Variants in CDC42EP4 observed in about 807,000 individuals in gnomAD.
CDC42EP4 encodes the protein CDC42 effector protein (Rho GTPase binding) 4.
CDC42EP4 carries 6 observed loss-of-function variants against 5.6 expected under a neutral mutation model. The ratio of observed to expected loss-of-function variants is 1.07; its 90% CI spans 0.59 to 2.12. The LOEUF is 2.12. Among genes scored for constraint, CDC42EP4 ranks in the 30% most tolerant of loss-of-function variants. The probability of loss-of-function intolerance (pLI) is 0.00; values close to 1 mark genes in which losing one functional copy is unlikely to be tolerated. For synonymous variants in CDC42EP4, 230 were observed against 224.2 expected (o/e 1.03, Z -0.23); for missense variants, 490 against 508.6 (o/e 0.96, Z 0.35).
Position 73,285,411 on chromosome 17 carries a change from T to G in CDC42EP4, c.*19A>C, listed in dbSNP as rs768962013. The G allele has an allele frequency of 1.3e-6, 2 of 1,529,098 alleles. No homozygotes were observed. The highest frequency in any genetic ancestry group is 2.7e-5 in the African/African-American group (2 of 72,842). 94.7% of individuals were successfully genotyped at this position (1,529,098 alleles called of 1,614,324 possible). On this transcript the variant is annotated 3_prime_UTR_variant, in exon 2 of 2. Coordinates refer to ENST00000335793, the MANE Select transcript of CDC42EP4 (RefSeq NM_012121.5). This position sits in a 1 kb window ranked among gnomAD's most constrained non-coding sequence, Gnocchi z 6.8. ...AGAAGATGCAGCCAAGAGCTCCCGG[T>G]GGCCACCCACTGTCCGCCTCACACA...
At chr17:73,292,284 G>C (rs1229175453) in intron 1 of CDC42EP4, among the ~76,000 whole-genome samples, 2 of 152,236 alleles carry the variant, frequency 1.3e-5, no homozygotes, top group Non-Finnish European at 2.9e-5. Flanking sequence ...GCCAGGTCCA[G>C]GCAATGTGGC....
intron 1 of CDC42EP4, among the ~76,000 whole-genome samples, chr17:73,292,676 G>A (rs536365127): frequency 2.0e-5 from 3 of 152,224 alleles, no homozygotes; most frequent in African/African-American, 7.2e-5. Context: ...TGATGAGAAG[G>A]AACCAGCCGG....
chr17:73,286,536 G>A lies in CDC42EP4; in HGVS notation c.-36C>T, dbSNP rs1240312067. The stretch of plus-strand genomic sequence containing the variant: ...GGGCGGGGAGGTGGGCCCTCCCGAG[G>A]TAGCCGGCAGGTCTGGGGTCAGATC... On this transcript the variant is annotated 5_prime_UTR_variant, in exon 2 of 2. Transcript: ENST00000335793. The surrounding 1 kb of genome is among the most constrained non-coding windows in gnomAD (Gnocchi z 7.7). The A allele has an allele frequency of 2.0e-6, 3 of 1,511,246 alleles. No homozygotes were observed. The highest frequency in any genetic ancestry group is 2.7e-6 in the Non-Finnish European group (3 of 1,119,302). The allele number at this position is 1,511,246 out of a possible 1,614,324, so 93.6% of individuals were successfully genotyped here. A position where few individuals can be genotyped will look rare whatever the true frequency, so the allele number is the denominator to read the frequency against.
Position 73,285,933 on chromosome 17 carries a change from G to C in CDC42EP4, c.568C>G (p.Leu190Val). 2.5e-6 allele frequency: 4 copies of C among 1,613,920 alleles called. No individual in the cohort carries two copies. Among genetic ancestry groups the C allele is most frequent in the South Asian group, 2.2e-5 (2 of 91,090 alleles). Residue 190 changes from leucine to valine, a missense_variant, in exon 2 of 2, where the codon CTG becomes GTG. Transcript: ENST00000335793. The surrounding 1 kb of genome is among the most constrained non-coding windows in gnomAD (Gnocchi z 6.8). The stretch of plus-strand genomic sequence containing the variant: ...TACGTGGCCTTGGGCACGACAGGCA[G>C]ATCTGTCAGATCCCCAAAGGCCTGC... ...DEQAFGDLTDLPVVPKATYGL... is the reference protein window; with the variant it reads ...DEQAFGDLTDVPVVPKATYGL...
At chr17:73,289,036 T>A (rs2062147886) in intron 1 of CDC42EP4, among the ~76,000 whole-genome samples, 1 of 152,194 alleles carries the variant, frequency 6.6e-6, no homozygotes, top group Admixed American at 6.5e-5. Flanking sequence ...ACTTGGATTA[T>A]CTCTGGGCCC....
At position 73,286,002 on chromosome 17, in the gene CDC42EP4, T is replaced by C; in HGVS notation, c.499A>G (p.Asn167Asp). ...GGGGAATGTGGACCCGCGGCCCCAT[T>C]CCGACGGGGCACTGCCTCCTCCGTG... is the stretch of plus-strand genomic sequence containing the variant. ...AGTEEAVPRR[N>D]GAAGPHSPDP... is the part of the protein sequence containing the mutation. Residue 167 changes from asparagine (N) to aspartate (D), a missense_variant, in exon 2 of 2, where the codon AAT becomes GAT. Asn to Asp is a conservative substitution (Grantham distance 23, BLOSUM62 1). Transcript: ENST00000335793. This position sits in a 1 kb window ranked among gnomAD's most constrained non-coding sequence, Gnocchi z 7.7. The C allele has an allele frequency of 6.2e-7, 1 of 1,613,450 alleles. No individual in the cohort carries two copies. The highest frequency in any genetic ancestry group is 8.5e-7 in the Non-Finnish European group (1 of 1,179,822).
rs929625768 is a variant in CDC42EP4 at position 73,298,757 on chromosome 17, C to G, written c.-112-12145G>C. ...GCTCCCTAATCCCCTCCTACCCCAT[C>G]CCTCCAGTACACCTCCTCATTCAAC... is the stretch of plus-strand genomic sequence containing the variant. On this transcript the variant is annotated intron_variant, in intron 1 of 1. Transcript: ENST00000335793. Among the ~76,000 whole-genome samples the G allele has an allele frequency of 2.0e-5, 3 of 152,188 alleles. No homozygotes were observed. In the East Asian group the frequency reaches 5.8e-4, roughly 29 times the overall value.
chr17:73,309,626 AC>A (rs1324764615), intron 1 of CDC42EP4: 1 of 152,760 alleles, frequency 6.5e-6, no homozygotes, highest in African/African-American at 2.4e-5. Flanking sequence ...AGAGGCAGAA[AC>A]CCCAGAAAAT....
At chr17:73,295,883 C>T (rs1235551532) in intron 1 of CDC42EP4, among the ~76,000 whole-genome samples, 3 of 140,152 alleles carry the variant, frequency 2.1e-5, no homozygotes, top group African/African-American at 5.4e-5. Flanking sequence ...CCAGCCCAGG[C>T]GACAAGAGTG....
intron 1 of CDC42EP4, among the ~76,000 whole-genome samples, chr17:73,292,719 G>A (rs1007574859): frequency 6.6e-6 from 1 of 152,212 alleles, no homozygotes; most frequent in Admixed American, 6.5e-5. Flanking sequence ...GGAACGGCGC[G>A]TGCAAACGCC....
intron 1 of CDC42EP4, among the ~76,000 whole-genome samples, chr17:73,294,427 C>G (rs904348803): frequency 6.6e-6 from 1 of 152,090 alleles, no homozygotes; most frequent in Admixed American, 6.6e-5. Context: ...GACTCCTGTA[C>G]CATTTATGTA....
intron 1 of CDC42EP4, among the ~76,000 whole-genome samples, chr17:73,305,295 C>A (rs927097070): frequency 6.6e-6 from 1 of 152,220 alleles, no homozygotes; most frequent in Non-Finnish European, 1.5e-5. Flanking sequence ...TGGTGGGGGG[C>A]CCCACTGCCC....
chr17:73,297,443 C>T (rs1283662806), intron 1 of CDC42EP4, among the ~76,000 whole-genome samples: 3 of 151,836 alleles, frequency 2.0e-5, no homozygotes, highest in African/African-American at 4.8e-5. Flanking sequence ...CATTGCACTC[C>T]AGCTTGGGCA....
intron 1 of CDC42EP4, among the ~76,000 whole-genome samples, chr17:73,301,731 G>A (rs1466966472): frequency 7.5e-6 from 1 of 133,700 alleles, no homozygotes; most frequent in Non-Finnish European, 1.6e-5. Flanking sequence ...TTTTTTTTGA[G>A]GCCAAGTCTG....
chr17:73,288,883 G>T (rs1348135176), intron 1 of CDC42EP4, among the ~76,000 whole-genome samples: 1 of 152,222 alleles, frequency 6.6e-6, no homozygotes, highest in Non-Finnish European at 1.5e-5. Context: ...GGGCAGGGAG[G>T]GGGAGCCAGG....
chr17:73,295,554 G>A (rs1414134316), intron 1 of CDC42EP4, among the ~76,000 whole-genome samples: 1 of 152,160 alleles, frequency 6.6e-6, no homozygotes, highest in Non-Finnish European at 1.5e-5. Context: ...GGGTGGGGTG[G>A]TCTTGCGGTA....
chr17:73,307,482 C>T (rs1460464251), intron 1 of CDC42EP4, among the ~76,000 whole-genome samples: 1 of 143,412 alleles, frequency 7.0e-6, no homozygotes, highest in Non-Finnish European at 1.5e-5. Flanking sequence ...GAGTCTCGCT[C>T]TGTCACCCAG....
In CDC42EP4 at chr17:73,285,622, G is replaced by A. The variant is rs763944412; in HGVS notation, c.879C>T (p.Pro293=). 91 of 1,603,452 alleles carry A rather than the reference G, an allele frequency of 5.7e-5. No individual in the cohort carries two copies. The highest frequency in any genetic ancestry group is 2.5e-4 in the South Asian group (23 of 90,580). The change falls in exon 2 of 2, where the codon CCC becomes CCT. Residue 293 remains proline, a synonymous_variant. Transcript: ENST00000335793. The surrounding 1 kb of genome is among the most constrained non-coding windows in gnomAD (Gnocchi z 6.8). ...DEGWAAAAPS[P]GSARSMGSHT... ...GGCTGCCCATGCTGCGGGCTGAGCC[G>A]GGGCTGGGGGCCGCTGCTGCCCACC...
In CDC42EP4 at chr17:73,286,804, T is replaced by G; in HGVS notation, c.-112-192A>C. The G allele has an allele frequency of 6.1e-6, 2 of 329,086 alleles. No individual in the cohort carries two copies. Among genetic ancestry groups the G allele is most frequent in the Non-Finnish European group, 1.1e-5 (2 of 179,468 alleles). The allele number at this position is 329,086 out of a possible 1,614,324, so 20.4% of individuals were successfully genotyped here. A position where few individuals can be genotyped will look rare whatever the true frequency, so the allele number is the denominator to read the frequency against. ...AGGCATTCAGAGTAGAGGAGTGATT[T>G]TGCAAATCTGGTTAGAGTTCCAGTA... On this transcript the variant is annotated intron_variant, in intron 1 of 1. Coordinates refer to ENST00000335793, the MANE Select transcript of CDC42EP4 (RefSeq NM_012121.5). This position sits in a 1 kb window ranked among gnomAD's most constrained non-coding sequence, Gnocchi z 7.7.
Sources: gnomAD v4.1 joint callset for allele counts (sites outside exome capture counted in the v4.1 genomes callset) on GRCh38, gnomAD v4.1.1 for gene constraint, Gnocchi (gnomAD v3.1) non-coding constraint, MANE v1.5 for transcripts, NCBI Gene and HGNC (gene_info 2026-07-23, HGNC 2026-07-21) for gene names.